Variants in CREBBP observed in about 807,000 individuals in gnomAD.
The protein encoded by CREBBP is CREB-binding protein.
CREBBP carries 19 observed loss-of-function variants against 265.0 expected under a neutral mutation model. That is an observed-to-expected ratio of 0.07 (90% confidence interval 0.05 to 0.11). The LOEUF (loss-of-function observed/expected upper bound fraction) is 0.11. CREBBP is among the 10% of genes least tolerant of loss of function. The probability of loss-of-function intolerance (pLI) is 1.00; values close to 1 mark genes in which losing one functional copy is unlikely to be tolerated. For missense variants in CREBBP, 2,525 were observed against 3,219.0 expected (o/e 0.78, Z 5.22); for synonymous variants, 1,457 against 1,223.7 (o/e 1.19, Z -3.98).
chr16:3,758,687 C>G (rs2052641521), intron 17 of CREBBP, among the ~76,000 whole-genome samples, 167 bp downstream of exon 17: 1 of 152,138 alleles, frequency 6.6e-6, no homozygotes, highest in African/African-American at 2.4e-5. Flanking sequence ...TGAAATCAAA[C>G]AAAATAAACA....
At chr16:3,879,604 C>T (rs2055480198) in intron 1 of CREBBP, among the ~76,000 whole-genome samples, 2 of 152,186 alleles carry the variant, frequency 1.3e-5, no homozygotes, top group South Asian at 4.1e-4. Context: ...GAGGGCTGAT[C>T]GGGTGCGGGG....
intron 1 of CREBBP, among the ~76,000 whole-genome samples, chr16:3,866,528 C>G (rs1012381537): frequency 1.3e-5 from 2 of 152,124 alleles, no homozygotes; most frequent in African/African-American, 2.4e-5. Flanking sequence ...AACAGATTCT[C>G]TTAATCACAA....
intron 2 of CREBBP, among the ~76,000 whole-genome samples, chr16:3,839,726 G>A (rs1400667080): frequency 7.6e-6 from 1 of 132,132 alleles, no homozygotes; most frequent in African/African-American, 2.8e-5. Context: ...AGGGGAGGGG[G>A]AGGGGGAGGG....
intron 2 of CREBBP, among the ~76,000 whole-genome samples, chr16:3,836,261 CTATCTCT>C (rs2054447777): frequency 1.3e-5 from 2 of 151,504 alleles, no homozygotes; most frequent in Non-Finnish European, 1.5e-5. Context: ...TGGTGAAACC[CTATCTCT>C]ACCAAAAAGA....
chr16:3,739,817 C>G (rs1282432395), intron 24 of CREBBP, 93 bp from the exon 25 acceptor site: 1 of 1,569,394 alleles, frequency 6.4e-7, no homozygotes, highest in South Asian at 1.1e-5. Flanking sequence ...CTGGCCACTG[C>G]AGATGAGCGG....
At chr16:3,856,728 T>C (rs759719392) in intron 1 of CREBBP, among the ~76,000 whole-genome samples, 1 of 152,238 alleles carries the variant, frequency 6.6e-6, no homozygotes, top group South Asian at 2.1e-4. Context: ...CTCTCCTTCC[T>C]TTCTGTCCAG....
At position 3,773,194 on chromosome 16, in the gene CREBBP, G is replaced by A. The variant is rs528455876; in HGVS notation, c.2463+557C>T. Among the ~76,000 whole-genome samples the A allele has an allele frequency of 6.6e-5, 10 of 152,164 alleles. No homozygotes were observed. The South Asian group carries it at 1.9e-3, about 28-fold the overall frequency. Reference sequence around the variant, plus strand: ...ATTTTGTATACAGTAGCAATGATACGCACTACAACTAACAAAAGAGGAAAA... The same window carrying A: ...ATTTTGTATACAGTAGCAATGATACACACTACAACTAACAAAAGAGGAAAA... On this transcript the variant is annotated intron_variant, in intron 13 of 30. Coordinates refer to ENST00000262367, the MANE Select transcript of CREBBP (RefSeq NM_004380.3).
rs1465070211 is a variant in CREBBP, at chr16:3,757,846, G to C, written c.3572C>G (p.Pro1191Arg). The C allele has an allele frequency of 6.2e-7, 1 of 1,614,006 alleles. No homozygotes were observed. Among genetic ancestry groups the C allele is most frequent in the Non-Finnish European group, 8.5e-7 (1 of 1,180,028 alleles). ...LAEVFEQEID[P>R]VMQSLGYCCG... ...GCAATATCCAAGGGACTGCATGACAGGGTCAATTTCCTGCTCAAAGACCTC... is the reference window on the plus strand; with the variant it reads ...GCAATATCCAAGGGACTGCATGACACGGTCAATTTCCTGCTCAAAGACCTC... Residue 1191 changes from proline to arginine, a missense_variant, in exon 18 of 31, where the codon CCT becomes CGT. Coordinates refer to ENST00000262367, the MANE Select transcript of CREBBP (RefSeq NM_004380.3).
At position 3,774,628 on chromosome 16, in the gene CREBBP, G is replaced by A. The variant is rs778882385; in HGVS notation, c.2224C>T (p.Arg742Cys). Reference protein sequence around the residue: ...VQLPQAPMGPRAASPMNHSVQ... With the variant: ...VQLPQAPMGPCAASPMNHSVQ... ...GAGTGGTTCATTGGGGAGGCTGCAC[G>A]AGGTCCCATGGGTGCTTGTGGCAAC... Residue 742 changes from arginine (R) to cysteine (C), a missense_variant, in exon 12 of 31, where the codon CGT becomes TGT. Physicochemically the swap from Arg to Cys is radical, Grantham distance 180. Transcript: ENST00000262367. The A allele has an allele frequency of 7.4e-6, 12 of 1,614,066 alleles. No individual in the cohort carries two copies. Among genetic ancestry groups the A allele is most frequent in the African/African-American group, 6.7e-5 (5 of 74,936 alleles).
chr16:3,763,756 GC>G (rs2052779294), intron 16 of CREBBP, among the ~76,000 whole-genome samples: 1 of 151,956 alleles, frequency 6.6e-6, no homozygotes, highest in Non-Finnish European at 1.5e-5. Flanking sequence ...GAGCCACTGC[GC>G]CCGGCCTGAA....
chr16:3,760,575 G>A (rs940537113), intron 16 of CREBBP, among the ~76,000 whole-genome samples: 5 of 149,154 alleles, frequency 3.4e-5, no homozygotes, highest in African/African-American at 1.2e-4. Context: ...GCTGATTTTT[G>A]TAATTTTTAG....
chr16:3,822,054 C>T (rs1015635783), intron 2 of CREBBP, among the ~76,000 whole-genome samples: 2 of 152,042 alleles, frequency 1.3e-5, no homozygotes, highest in African/African-American at 4.8e-5. Flanking sequence ...GACTCTGTCA[C>T]ACACACACAC....
At chr16:3,852,370 G>A (rs952844276) in intron 1 of CREBBP, among the ~76,000 whole-genome samples, 2 of 151,180 alleles carry the variant, frequency 1.3e-5, no homozygotes, top group African/African-American at 4.9e-5. Context: ...GGGTTTCACC[G>A]TATTAGCCAG....
chr16:3,765,077 C>T (rs1051001784), intron 16 of CREBBP, among the ~76,000 whole-genome samples: 5 of 151,800 alleles, frequency 3.3e-5, no homozygotes, highest in African/African-American at 7.3e-5. Context: ...GGGTTCACAC[C>T]ATTCTCCTGC....
At chr16:3,783,599 T>C (rs565911345) in intron 5 of CREBBP, among the ~76,000 whole-genome samples, 122 of 152,354 alleles carry the variant, frequency 8.0e-4, no homozygotes, top group Non-Finnish European at 1.1e-3. Context: ...ACTTGATTGA[T>C]TGACTGACTG....
intron 2 of CREBBP, among the ~76,000 whole-genome samples, chr16:3,816,970 C>A (rs979385250): frequency 6.6e-6 from 1 of 152,176 alleles, no homozygotes; most frequent in Non-Finnish European, 1.5e-5. Context: ...GAGGGGGCAT[C>A]GGAAGAGGCA....
At position 3,850,479 on chromosome 16, in the gene CREBBP, C is replaced by A. The variant is rs2054807711; in HGVS notation, c.616G>T (p.Ala206Ser). 1 of 1,614,130 alleles carries A rather than the reference C, an allele frequency of 6.2e-7. No individual in the cohort carries two copies. The highest frequency in any genetic ancestry group is 1.3e-5 in the African/African-American group (1 of 74,950). The change falls in exon 2 of 31, where the codon GCG becomes TCG. Residue 206 changes from alanine to serine, a missense_variant. Physicochemically the swap from Ala to Ser is moderately conservative, Grantham distance 99. Around this residue, in one of 19 missense-constraint regions of CREBBP, gnomAD observed 356 missense variants for 340.4 expected, o/e 1.05. Coordinates refer to ENST00000262367, the MANE Select transcript of CREBBP (RefSeq NM_004380.3). ...SLINQASQGQ[A>S]QVMNGSLGAA... ...CCAAGAGATCCATTCATGACTTGCG[C>A]CTGCCCTTGTGAAGCCTGATTAATT...
intron 19 of CREBBP, 46 bp downstream of exon 19, chr16:3,757,242 C>T (rs373048289): frequency 5.6e-6 from 8 of 1,425,894 alleles, no homozygotes; most frequent in Admixed American, 5.4e-5. Context: ...ACCAGATGAA[C>T]GTGCCTTGCC....
chr16:3,749,832 G>A (rs1291555225), intron 20 of CREBBP, 149 bp from the exon 21 acceptor site: 15 of 605,272 alleles, frequency 2.5e-5, no homozygotes, highest in Non-Finnish European at 3.8e-5. Flanking sequence ...TGTAATAACG[G>A]AATGAACAGA....
Sources: allele counts gnomAD v4.1 joint callset (sites outside exome capture counted in the v4.1 genomes callset), GRCh38; gene constraint gnomAD v4.1.1; regional missense constraint gnomAD v4.1.1; transcripts MANE v1.5; gene names NCBI Gene and HGNC (gene_info 2026-07-23, HGNC 2026-07-21).